Variants in GALNTL6 observed in about 807,000 individuals in gnomAD.
GALNTL6 encodes polypeptide N-acetylgalactosaminyltransferase-like 6.
Under a neutral mutation model 73.7 loss-of-function variants are expected in GALNTL6, and 46 were observed. The observed-to-expected ratio is 0.62, with a 90% confidence interval of 0.49 to 0.80. GALNTL6 has a LOEUF of 0.80. Ranked by LOEUF, GALNTL6 falls within the 30% of genes least tolerant of loss-of-function variation. The pLI is 0.00. For synonymous variants in GALNTL6, 259 were observed against 263.7 expected, an observed-to-expected ratio of 0.98 and a Z score of 0.17; for missense variants, 604 against 755.0, an observed-to-expected ratio of 0.80 and a Z score of 2.34.
intron 2 of GALNTL6, among the ~76,000 whole-genome samples, chr4:171,830,257 G>A (rs1734932041): frequency 6.6e-6 from 1 of 152,094 alleles, no homozygotes; most frequent in Admixed American, 6.6e-5. Flanking sequence ...CAGATTTCTG[G>A]TCTCCTGAAC....
intron 3 of GALNTL6, among the ~76,000 whole-genome samples, chr4:172,269,463 A>G (rs1231275494): frequency 6.6e-6 from 1 of 152,180 alleles, no homozygotes; most frequent in Non-Finnish European, 1.5e-5. Context: ...ATAGGGTCCC[A>G]GACCCTACCC....
At chr4:172,769,795 C>T (rs1338773301) in intron 5 of GALNTL6, among the ~76,000 whole-genome samples, 1 of 152,150 alleles carries the variant, frequency 6.6e-6, no homozygotes, top group African/African-American at 2.4e-5. Context: ...ATTGCTGATG[C>T]TTTCAGTGTT....
chr4:171,913,346 G>A (rs1441880878), intron 2 of GALNTL6, among the ~76,000 whole-genome samples: 1 of 152,252 alleles, frequency 6.6e-6, no homozygotes, highest in South Asian at 2.1e-4. Context: ...AATATGTATT[G>A]CAATTATTTT....
chr4:171,867,098 G>A (rs944298857), intron 2 of GALNTL6, among the ~76,000 whole-genome samples: 2 of 151,716 alleles, frequency 1.3e-5, no homozygotes, highest in Admixed American at 1.3e-4. Flanking sequence ...AAAATATATA[G>A]ACCCTAGATG....
At chr4:172,773,284 T>C (rs1738883086) in intron 5 of GALNTL6, among the ~76,000 whole-genome samples, 1 of 152,106 alleles carries the variant, frequency 6.6e-6, no homozygotes, top group Admixed American at 6.5e-5. Flanking sequence ...CCTGCAGACT[T>C]AAACTCCTTA....
At chr4:172,669,392 C>T (rs1041162595) in intron 5 of GALNTL6, among the ~76,000 whole-genome samples, 1 of 152,128 alleles carries the variant, frequency 6.6e-6, no homozygotes, top group African/African-American at 2.4e-5. Context: ...ACATATGCAT[C>T]GTCTAAGTCA....
chr4:172,230,401 C>T (rs1328654707), intron 3 of GALNTL6, among the ~76,000 whole-genome samples: 13 of 152,042 alleles, frequency 8.6e-5, no homozygotes, highest in East Asian at 1.9e-4. Flanking sequence ...TCCTGGCTAA[C>T]GCGTTGAAAC....
intron 8 of GALNTL6, among the ~76,000 whole-genome samples, chr4:172,926,051 AAAT>A (rs1748041856): frequency 6.6e-6 from 1 of 152,174 alleles, no homozygotes; most frequent in Non-Finnish European, 1.5e-5. Flanking sequence ...AGTGGCTTAT[AAAT>A]AACAGAAATT....
intron 5 of GALNTL6, among the ~76,000 whole-genome samples, chr4:172,604,012 G>T (rs916777734): frequency 6.6e-6 from 1 of 152,186 alleles, no homozygotes; most frequent in Admixed American, 6.5e-5. Context: ...ATTGTAGACG[G>T]TCAGTATAAG....
chr4:172,724,371 C>T (rs752684517), intron 5 of GALNTL6, among the ~76,000 whole-genome samples: 34 of 152,244 alleles, frequency 2.2e-4, no homozygotes, highest in African/African-American at 6.5e-4. Context: ...CTTTTTCTCA[C>T]GTAACATAAA....
intron 5 of GALNTL6, among the ~76,000 whole-genome samples, chr4:172,485,711 G>A (rs1733641104): frequency 6.6e-6 from 1 of 152,100 alleles, no homozygotes; most frequent in Non-Finnish European, 1.5e-5. Flanking sequence ...AAATAAAAAA[G>A]AGAACTGGCA....
At chr4:172,835,232 G>T (rs1742842788) in intron 7 of GALNTL6, among the ~76,000 whole-genome samples, 1 of 152,240 alleles carries the variant, frequency 6.6e-6, no homozygotes, top group Admixed American at 6.5e-5. Context: ...GTGAGTGAGA[G>T]GGAGGAGCAT....
chr4:173,026,844 T>C (rs189442899), intron 12 of GALNTL6, among the ~76,000 whole-genome samples: 117 of 152,304 alleles, frequency 7.7e-4, no homozygotes, highest in Admixed American at 7.1e-3. Context: ...ATGAAAGCTA[T>C]TATTTATGAT....
chr4:172,013,395 G>A (rs1462607363), intron 2 of GALNTL6, among the ~76,000 whole-genome samples: 1 of 151,848 alleles, frequency 6.6e-6, no homozygotes, highest in Non-Finnish European at 1.5e-5. Flanking sequence ...CCACATATGG[G>A]TAAAAATATA....
chr4:172,740,113 T>G (rs148155764), intron 5 of GALNTL6, among the ~76,000 whole-genome samples: 1 of 152,130 alleles, frequency 6.6e-6, no homozygotes, highest in East Asian at 1.9e-4. Context: ...TGGATATTCC[T>G]CCATCGTTCT....
At chr4:172,224,218 A>G (rs1736778011) in intron 2 of GALNTL6, among the ~76,000 whole-genome samples, 1 of 152,164 alleles carries the variant, frequency 6.6e-6, no homozygotes, top group African/African-American at 2.4e-5. Context: ...CTACTCAAAA[A>G]GCCTTGTAAA....
rs71607890 is a variant in GALNTL6, at chr4:172,640,099, A to G, written c.554-169262A>G. Among the ~76,000 whole-genome samples, 1,388 of 152,188 alleles carry G rather than the reference A, an allele frequency of 9.1e-3. 10 individuals carry two copies. The highest frequency in any genetic ancestry group is 0.016 in the Non-Finnish European group (1,073 of 67,982). ...CCTCTCCTTCTATTCACTCAAATCT[A>G]TTTCATTCAGATATTTGCCTCTATT... On this transcript the variant is annotated intron_variant, in intron 5 of 12. Coordinates refer to ENST00000506823, the MANE Select transcript of GALNTL6 (RefSeq NM_001034845.3).
intron 2 of GALNTL6, among the ~76,000 whole-genome samples, chr4:171,824,612 T>A (rs911914923): frequency 2.0e-5 from 3 of 152,152 alleles, no homozygotes. Flanking sequence ...ATGTTCCTAT[T>A]ATTACTTGTT....
At chr4:172,160,575 T>C (rs1372160582) in intron 2 of GALNTL6, among the ~76,000 whole-genome samples, 1 of 151,970 alleles carries the variant, frequency 6.6e-6, no homozygotes, top group African/African-American at 2.4e-5. Context: ...TGACAGCCCA[T>C]GTAGCAAGAA....
Sources: allele counts gnomAD v4.1 joint callset (sites outside exome capture counted in the v4.1 genomes callset), GRCh38; gene constraint gnomAD v4.1.1; transcripts MANE v1.5; gene names NCBI Gene and HGNC (gene_info 2026-07-23, HGNC 2026-07-21).